DRG2: variants seen among roughly 807,000 people sequenced by gnomAD.
DRG2 encodes developmentally regulated GTP binding protein 2.
In DRG2, 36 loss-of-function variants were observed where a neutral mutation model predicts 53.4. The ratio of observed to expected loss-of-function variants is 0.67; its 90% CI spans 0.52 to 0.89. The LOEUF is 0.89. Among genes scored for constraint, DRG2 ranks in the 40% least tolerant of loss-of-function variants. DRG2 has a pLI of 0.00. For synonymous variants in DRG2, 167 were observed against 192.1 expected (o/e 0.87, Z 1.08); for missense variants, 342 against 481.2 (o/e 0.71, Z 2.71).
chr17:18,097,963 TTG>T (rs2045461882), intron 2 of DRG2: 1 of 213,708 alleles, frequency 4.7e-6, no homozygotes, highest in Non-Finnish European at 9.4e-6. Context: ...GCCTGGAGGA[TTG>T]TGTGGGGTTA....
At chr17:18,101,774 C>T (rs1004971138) in intron 8 of DRG2, 147 bp from the exon 9 acceptor site, 2 of 1,136,952 alleles carry the variant, frequency 1.8e-6, no homozygotes, top group Admixed American at 4.7e-5. Context: ...TCCAGCCCAG[C>T]CTTCCCAACC....
At chr17:18,106,793 G>T (rs570020219) in intron 12 of DRG2, among the ~76,000 whole-genome samples, 1 of 147,768 alleles carries the variant, frequency 6.8e-6, no homozygotes, top group Non-Finnish European at 1.5e-5. Context: ...GTGCAAAAGC[G>T]ATCCTCCCAC....
intron 1 of DRG2, among the ~76,000 whole-genome samples, chr17:18,090,861 C>T (rs990080752): frequency 8.0e-5 from 12 of 150,528 alleles, no homozygotes; most frequent in Admixed American, 6.0e-4. Flanking sequence ...TGTAGAGGCA[C>T]GGTCTCACTA....
At chr17:18,096,249 G>A (rs939101534) in intron 2 of DRG2, 4 of 152,172 alleles carry the variant, frequency 2.6e-5, no homozygotes, top group African/African-American at 9.7e-5. Flanking sequence ...GCTTTGGGGA[G>A]GGAGGTGACT....
chr17:18,103,866 G>A lies in DRG2; in HGVS notation c.872G>A (p.Cys291Tyr). 6.2e-7 allele frequency: 1 copy of A among 1,608,538 alleles called. No homozygotes were observed. Among genetic ancestry groups the A allele is most frequent in the South Asian group, 1.1e-5 (1 of 90,560 alleles). ...EMLWEYLALT[C>Y]IYTKKRGQRP... is the part of the protein sequence containing the mutation. Reference sequence around the variant, plus strand: ...CTTTGGGAGTACTTGGCCCTGACCTGCATCTACACCAAGAAGAGAGGACGT... The same window carrying A: ...CTTTGGGAGTACTTGGCCCTGACCTACATCTACACCAAGAAGAGAGGACGT... Residue 291 changes from cysteine (C) to tyrosine (Y), a missense_variant, in exon 10 of 13, where the codon TGC becomes TAC. Coordinates refer to ENST00000225729, the MANE Select transcript of DRG2 (RefSeq NM_001388.5). The surrounding 1 kb of genome is among the most constrained non-coding windows in gnomAD (Gnocchi z 4.4).
At position 18,104,474 on chromosome 17, in the gene DRG2, T is replaced by G. The variant is rs936412919; in HGVS notation, c.896-149T>G. On this transcript the variant is annotated intron_variant, in intron 10 of 12. Coordinates refer to ENST00000225729, the MANE Select transcript of DRG2 (RefSeq NM_001388.5). Reference sequence around the variant, plus strand: ...GTAGAAGATGGTACAGGGATCTATGTGGAGGGTGTGCTGGATGTCAGGGGG... The same window carrying G: ...GTAGAAGATGGTACAGGGATCTATGGGGAGGGTGTGCTGGATGTCAGGGGG... 4 of 1,465,186 alleles carry G rather than the reference T, an allele frequency of 2.7e-6. No individual in the cohort carries two copies. In the African/African-American group the frequency reaches 4.2e-5, roughly 15 times the overall value. The allele number at this position is 1,465,186 out of a possible 1,614,324, so 90.8% of individuals were successfully genotyped here. A position where few individuals can be genotyped will look rare whatever the true frequency, so the allele number is the denominator to read the frequency against.
chr17:18,095,722 G>A (rs1030187784), intron 2 of DRG2: 1 of 152,086 alleles, frequency 6.6e-6, no homozygotes, highest in Non-Finnish European at 1.5e-5. Flanking sequence ...TTTTATTTTA[G>A]AATAGTCTTA....
At position 18,088,106 on chromosome 17, in the gene DRG2, G is replaced by T; in HGVS notation, c.64+19G>T. 6.5e-7 allele frequency: 1 copy of T among 1,538,224 alleles called. No individual in the cohort carries two copies. Among genetic ancestry groups the T allele is most frequent in the Non-Finnish European group, 8.8e-7 (1 of 1,141,532 alleles). ...AACAAGGGTGAGGGCCGGCCGGGCGGGGCCTTCCTTTCTGCCTGCCTCAGT... is the reference window on the plus strand; with the variant it reads ...AACAAGGGTGAGGGCCGGCCGGGCGTGGCCTTCCTTTCTGCCTGCCTCAGT... On this transcript the variant is annotated intron_variant, in intron 1 of 12. Transcript: ENST00000225729.
intron 7 of DRG2, among the ~76,000 whole-genome samples, chr17:18,101,006 G>T (rs574917112): frequency 6.6e-6 from 1 of 152,158 alleles, no homozygotes; most frequent in Non-Finnish European, 1.5e-5. Flanking sequence ...AAGTAGTGTC[G>T]GGGGCTGGTT....
rs1048037780 is a variant in DRG2, at chr17:18,100,330, G to A, written c.468-33G>A. 1 of 1,610,726 alleles carries A rather than the reference G, an allele frequency of 6.2e-7. No homozygotes were observed. Among genetic ancestry groups the A allele is most frequent in the African/African-American group, 1.3e-5 (1 of 74,986 alleles). ...AGCTGTGCATCTGGCTCTGTGGACAGCCTGTGAGGGGCTTAAGGGGTACTC... is the reference window on the plus strand; with the variant it reads ...AGCTGTGCATCTGGCTCTGTGGACAACCTGTGAGGGGCTTAAGGGGTACTC... On this transcript the variant is annotated intron_variant, in intron 5 of 12. Coordinates refer to ENST00000225729, the MANE Select transcript of DRG2 (RefSeq NM_001388.5). The surrounding 1 kb of genome is among the most constrained non-coding windows in gnomAD (Gnocchi z 4.1).
At chr17:18,089,849 A>G (rs1340853008) in intron 1 of DRG2, among the ~76,000 whole-genome samples, 2 of 152,148 alleles carry the variant, frequency 1.3e-5, no homozygotes, top group African/African-American at 2.4e-5. Context: ...GCTGGGGTGC[A>G]GTGATGGGAC....
At chr17:18,104,446 G>A (rs2045591828) in intron 10 of DRG2, 177 bp from the exon 11 acceptor site, 2 of 1,337,552 alleles carry the variant, frequency 1.5e-6, no homozygotes, top group South Asian at 1.5e-5. Flanking sequence ...TAAGATCAAG[G>A]TCGTAGAAGA....
rs1440295504 is a variant in DRG2, at chr17:18,103,476, CT to C, written c.807-322del. Among the ~76,000 whole-genome samples, 1 of 152,146 alleles carries C rather than the reference CT, an allele frequency of 6.6e-6. No homozygotes were observed. Among genetic ancestry groups the C allele is most frequent in the Non-Finnish European group, 1.5e-5 (1 of 68,020 alleles). The stretch of plus-strand genomic sequence containing the variant: ...AACTCTGGGTGTCAGGGTTCCTAGC[CT>C]TTGCCCATGGTCCCGTCACAGCCCC... On this transcript the variant is annotated intron_variant, in intron 9 of 12. Coordinates refer to ENST00000225729, the MANE Select transcript of DRG2 (RefSeq NM_001388.5). The surrounding 1 kb of genome is among the most constrained non-coding windows in gnomAD (Gnocchi z 4.4).
chr17:18,092,733 G>A (rs1276475748), intron 1 of DRG2, among the ~76,000 whole-genome samples: 2 of 152,204 alleles, frequency 1.3e-5, no homozygotes, highest in African/African-American at 4.8e-5. Context: ...CATAAATGCT[G>A]GAGTGCTGCC....
Position 18,099,088 on chromosome 17 carries a change from G to A in DRG2, c.376+11G>A, listed in dbSNP as rs1413692252. On this transcript the variant is annotated intron_variant, in intron 4 of 12. Coordinates refer to ENST00000225729, the MANE Select transcript of DRG2 (RefSeq NM_001388.5). The surrounding 1 kb of genome is among the most constrained non-coding windows in gnomAD (Gnocchi z 4.4). ...AAGGCGCAGCCCAAGGTGGGAGGCA[G>A]GGCAGGTGTGTGGGAAGCAGACTGG... 6.2e-7 allele frequency: 1 copy of A among 1,613,776 alleles called. No individual in the cohort carries two copies. The highest frequency in any genetic ancestry group is 8.5e-7 in the Non-Finnish European group (1 of 1,180,000).
chr17:18,098,309 G>A lies in DRG2; in HGVS notation c.265G>A (p.Ala89Thr). 2 of 1,614,090 alleles carry A rather than the reference G, an allele frequency of 1.2e-6. No individual in the cohort carries two copies. ...TCTGATGACCTCCACGGCCAGCGAG[G>A]CAGCGTCCTATGAGTTCACCACTCT... Reference protein sequence around the residue: ...LSLMTSTASEAASYEFTTLTC... With the variant: ...LSLMTSTASETASYEFTTLTC... Residue 89 changes from alanine (A) to threonine (T), a missense_variant, in exon 3 of 13, where the codon GCA becomes ACA. By Grantham distance (58) the Ala-to-Thr change is moderately conservative. Transcript: ENST00000225729. The surrounding 1 kb of genome is among the most constrained non-coding windows in gnomAD (Gnocchi z 4.1).
chr17:18,090,811 C>T (rs1333545443), intron 1 of DRG2, among the ~76,000 whole-genome samples: 1 of 151,320 alleles, frequency 6.6e-6, no homozygotes, highest in Non-Finnish European at 1.5e-5. Context: ...GTTGGGATTA[C>T]AGGTGTGAGC....
In DRG2 at chr17:18,100,287, C is replaced by A; in HGVS notation, c.468-76C>A. 1 of 1,473,138 alleles carries A rather than the reference C, an allele frequency of 6.8e-7. No individual in the cohort carries two copies. Among genetic ancestry groups the A allele is most frequent in the Non-Finnish European group, 9.5e-7 (1 of 1,053,760 alleles). 91.3% of individuals were successfully genotyped at this position (1,473,138 alleles called of 1,614,324 possible). The stretch of plus-strand genomic sequence containing the variant: ...GAGTCAGTCTCTGGGTGGGCAGTGA[C>A]ATCCTGCGTAACAGGGAAGCTGTGC... On this transcript the variant is annotated intron_variant, in intron 5 of 12. Transcript: ENST00000225729. The surrounding 1 kb of genome is among the most constrained non-coding windows in gnomAD (Gnocchi z 4.1).
chr17:18,090,406 A>ATTTTTTTTTTTTT (rs1186716416), intron 1 of DRG2, among the ~76,000 whole-genome samples: 1 of 22,704 alleles, frequency 4.4e-5, no homozygotes. Context: ...ATATATATAT[A>ATTTTTTTTTTTTT]TTTTTTTTTT....
Sources: allele counts gnomAD v4.1 joint callset (sites outside exome capture counted in the v4.1 genomes callset), GRCh38; gene constraint gnomAD v4.1.1; non-coding constraint Gnocchi (gnomAD v3.1); transcripts MANE v1.5; gene names NCBI Gene and HGNC (gene_info 2026-07-23, HGNC 2026-07-21).